Variants in EXOC1 observed in about 807,000 individuals in gnomAD.
EXOC1 encodes the protein SEC3-like 1.
A neutral mutation model predicts 107.7 loss-of-function variants in EXOC1; 67 were observed. The ratio of observed to expected loss-of-function variants is 0.62; its 90% CI spans 0.51 to 0.76. The LOEUF is 0.76. EXOC1 is among the 30% of genes least tolerant of loss of function. The pLI is 0.00. For synonymous variants in EXOC1, 348 were observed against 353.5 expected, an observed-to-expected ratio of 0.98 and a Z score of 0.17; for missense variants, 833 against 1,055.7, an observed-to-expected ratio of 0.79 and a Z score of 2.92.
rs1259481503 is a variant in EXOC1, at chr4:55,888,952, T to C, written c.1375+20T>C. The stretch of plus-strand genomic sequence containing the variant: ...CAGAGAGTGAGTATGCTTAGTGTAT[T>C]AGTAGGTATTCTCAATGCATGTTTG... On this transcript the variant is annotated intron_variant, in intron 11 of 18. Transcript: ENST00000381295. The C allele has an allele frequency of 1.2e-6, 2 of 1,610,986 alleles. No individual in the cohort carries two copies. The highest frequency in any genetic ancestry group is 1.3e-5 in the African/African-American group (1 of 74,830).
At chr4:55,888,678 A>G (rs1346914330) in intron 10 of EXOC1, 1 of 542,172 alleles carries the variant, frequency 1.8e-6, no homozygotes, top group African/African-American at 1.9e-5. Context: ...AAAACAATAC[A>G]TTAAAAGTAA....
At position 55,870,872 on chromosome 4, in the gene EXOC1, T is replaced by C; in HGVS notation, c.798T>C (p.Asn266=). 1.2e-6 allele frequency: 2 copies of C among 1,613,616 alleles called. No individual in the cohort carries two copies. Among genetic ancestry groups the C allele is most frequent in the East Asian group, 4.5e-5 (2 of 44,836 alleles). ...NHLIHLSNTN[N]VKLLSEIEFL... ...TAATTCATCTTAGTAACACTAATAA[T>C]GTAAAACTCCTATCTGAGATAGAGT... The change falls in exon 6 of 19, where the codon AAT becomes AAC. Residue 266 remains asparagine (N), a synonymous_variant. Transcript: ENST00000381295.
At position 55,864,313 on chromosome 4, in the gene EXOC1, C is replaced by A; in HGVS notation, c.342C>A (p.Cys114Ter). The A allele has an allele frequency of 6.2e-7, 1 of 1,610,718 alleles. No individual in the cohort carries two copies. Among genetic ancestry groups the A allele is most frequent in the Non-Finnish European group, 8.5e-7 (1 of 1,178,540 alleles). ...CTGAAAAGAATGCATTTATTTCATG[C>A]ATTTGGAAATTGAATCAGCGATATC... ...STAEKNAFIS[C>*]IWKLNQRYLR... Residue 114 changes from cysteine to a stop codon, truncating the protein, a stop_gained, in exon 4 of 19, where the codon TGC (cysteine) becomes TGA (stop). Coordinates refer to ENST00000381295, the MANE Select transcript of EXOC1 (RefSeq NM_001024924.2). LOFTEE classifies it high-confidence loss of function.
In EXOC1 at chr4:55,853,789, G is replaced by T. The variant is rs1301716494; in HGVS notation, c.-175G>T. 1 of 152,310 alleles carries T rather than the reference G, an allele frequency of 6.6e-6. No individual in the cohort carries two copies. The highest frequency in any genetic ancestry group is 1.5e-5 in the Non-Finnish European group (1 of 68,122). The allele number at this position is 152,310 out of a possible 1,614,324, so 9.4% of individuals were successfully genotyped here. Reference sequence around the variant, plus strand: ...GCCTCGGCACAGCCAGGCTCAGTCCGGCCTTGCGGTAAGCCTTCGGCCGCG... The same window carrying T: ...GCCTCGGCACAGCCAGGCTCAGTCCTGCCTTGCGGTAAGCCTTCGGCCGCG... On this transcript the variant is annotated 5_prime_UTR_variant, in exon 1 of 19. Transcript: ENST00000381295.
intron 9 of EXOC1, among the ~76,000 whole-genome samples, chr4:55,879,732 C>T (rs1333463472): frequency 1.3e-5 from 2 of 152,108 alleles, no homozygotes; most frequent in African/African-American, 4.8e-5. Flanking sequence ...CCTATCTAGT[C>T]AAATACGTAA....
intron 18 of EXOC1, among the ~76,000 whole-genome samples, chr4:55,902,773 TTTGGTTGGTTGG>T (rs6148450): frequency 2.1e-4 from 32 of 150,000 alleles, no homozygotes; most frequent in Non-Finnish European, 3.3e-4. Context: ...TTTGTTTTTC[TTTGGTTGGTTGG>T]TTGGTTGGTT....
rs1375323098 is a variant in EXOC1 at position 55,868,379 on chromosome 4, T to C, written c.459T>C (p.Asp153=). ...AAAATCAGAGTGTGACAGGAGGTGA[T>C]GAAGAAGTAGTAGATGAATACCAAG... ...SGENQSVTGG[D]EEVVDEYQEL... Residue 153 remains aspartate, a synonymous_variant, in exon 5 of 19, where the codon GAT becomes GAC. Transcript: ENST00000381295. 1 of 1,613,492 alleles carries C rather than the reference T, an allele frequency of 6.2e-7. No homozygotes were observed. The highest frequency in any genetic ancestry group is 2.2e-5 in the East Asian group (1 of 44,852).
intron 8 of EXOC1, chr4:55,872,747 C>T: frequency 1.1e-6 from 1 of 937,824 alleles, no homozygotes. Flanking sequence ...TATTTTATTT[C>T]CAATTAGTTT....
chr4:55,876,619 A>G, intron 8 of EXOC1: 1 of 985,344 alleles, frequency 1.0e-6, no homozygotes, highest in Non-Finnish European at 1.2e-6. Flanking sequence ...CATCTGTGGT[A>G]GCTGTGAACT....
At chr4:55,903,108 C>A (rs1376828260) in intron 18 of EXOC1, among the ~76,000 whole-genome samples, 1 of 147,222 alleles carries the variant, frequency 6.8e-6, no homozygotes, top group Non-Finnish European at 1.5e-5. Context: ...CCTACCACTG[C>A]ACTCCAGCCT....
intron 10 of EXOC1, 109 bp from the exon 11 acceptor site, chr4:55,888,779 C>T: frequency 9.4e-7 from 1 of 1,058,462 alleles, no homozygotes; most frequent in Non-Finnish European, 1.4e-6. Context: ...TGGTTCTTTG[C>T]ATGTGTCTTT....
chr4:55,854,286 C>T (rs1720749989), intron 1 of EXOC1, among the ~76,000 whole-genome samples: 1 of 149,800 alleles, frequency 6.7e-6, no homozygotes, highest in African/African-American at 2.5e-5. Flanking sequence ...TATATCTCAG[C>T]AGCATACAGG....
intron 9 of EXOC1, among the ~76,000 whole-genome samples, chr4:55,881,587 A>C (rs1723383254): frequency 6.6e-6 from 1 of 152,154 alleles, no homozygotes; most frequent in Non-Finnish European, 1.5e-5. Flanking sequence ...TGTAAGGTGA[A>C]CACTGGTTTG....
chr4:55,866,519 G>A (rs778725398), intron 4 of EXOC1, among the ~76,000 whole-genome samples: 1 of 152,122 alleles, frequency 6.6e-6, no homozygotes, highest in Non-Finnish European at 1.5e-5. Flanking sequence ...ACATAACTAG[G>A]CTACATGCAT....
At position 55,860,415 on chromosome 4, in the gene EXOC1, A is replaced by C; in HGVS notation, c.129A>C (p.Thr43=). The C allele has an allele frequency of 1.2e-6, 2 of 1,613,740 alleles. No individual in the cohort carries two copies. The highest frequency in any genetic ancestry group is 1.7e-6 in the Non-Finnish European group (2 of 1,179,736). ...AGTGTGCGTTTTACTCAACAGTGAC[A>C]ACTGAACGCCCTGTGCAGGTTAAGG... ...KKNCFLCATV[T]TERPVQVKVV... is the part of the protein sequence containing the mutation. Residue 43 remains threonine (T), a synonymous_variant, in exon 3 of 19, where the codon ACA becomes ACC. Transcript: ENST00000381295.
At chr4:55,871,443 A>G (rs374151603) in intron 7 of EXOC1, among the ~76,000 whole-genome samples, 1 of 152,180 alleles carries the variant, frequency 6.6e-6, no homozygotes. Flanking sequence ...CTCAATGACT[A>G]TAGTCAACAC....
chr4:55,892,728 A>G lies in EXOC1; in HGVS notation c.1724+17A>G, dbSNP rs1230346834. On this transcript the variant is annotated intron_variant, in intron 14 of 18. Transcript: ENST00000381295. The stretch of plus-strand genomic sequence containing the variant: ...TTCATCTGAGTATGTCTTTGTTACT[A>G]TCATTGTTTATTTTGGAAAAAATAA... 2.5e-6 allele frequency: 4 copies of G among 1,612,260 alleles called. No homozygotes were observed. Among genetic ancestry groups the G allele is most frequent in the East Asian group, 4.5e-5 (2 of 44,844 alleles).
intron 5 of EXOC1, 77 bp downstream of exon 5, chr4:55,868,600 C>G: frequency 2.2e-6 from 3 of 1,333,906 alleles, no homozygotes; most frequent in Non-Finnish European, 3.1e-6. Context: ...ATTATACTAC[C>G]TCAGCACTTA....
At chr4:55,890,465 C>A in intron 12 of EXOC1, 79 bp downstream of exon 12, 36 of 1,222,146 alleles carry the variant, frequency 2.9e-5, no homozygotes, top group Middle Eastern at 2.1e-4. Context: ...TAAGTGTGTT[C>A]AAAGATTTGG....
Sources: allele counts gnomAD v4.1 joint callset (sites outside exome capture counted in the v4.1 genomes callset), GRCh38; gene constraint gnomAD v4.1.1; transcripts MANE v1.5; gene names NCBI Gene and HGNC (gene_info 2026-07-23, HGNC 2026-07-21).